ARHGEF16: variants seen among roughly 807,000 people sequenced by gnomAD.
ARHGEF16 encodes Rho guanine exchange factor (GEF) 16.
In ARHGEF16, 59 loss-of-function variants were observed where a neutral mutation model predicts 74.1. The ratio of observed to expected loss-of-function variants is 0.80; its 90% confidence interval spans 0.65 to 0.99. The LOEUF is 0.99. Ranked by LOEUF, ARHGEF16 falls within the 50% of genes least tolerant of loss-of-function variation. The pLI is 0.00. For synonymous variants in ARHGEF16, 415 were observed against 412.6 expected (o/e 1.01, Z -0.07); for missense variants, 948 against 986.6 (o/e 0.96, Z 0.52).
In ARHGEF16 at chr1:3,469,473, A is replaced by C; in HGVS notation, c.902A>C (p.His301Pro). 1 of 1,613,082 alleles carries C rather than the reference A, an allele frequency of 6.2e-7. No individual in the cohort carries two copies. Among genetic ancestry groups the C allele is most frequent in the Non-Finnish European group, 8.5e-7 (1 of 1,179,970 alleles). Reference protein sequence around the residue: ...EILTSEFSYQHSLSILVEEFL... With the variant: ...EILTSEFSYQPSLSILVEEFL... The stretch of plus-strand genomic sequence containing the variant: ...CTCACGTCGGAGTTCTCCTACCAGC[A>C]CAGCCTGAGCATCCTGGTGGAGGAG... The change falls in exon 6 of 15, where the codon CAC (histidine) becomes CCC (proline). Residue 301 changes from histidine to proline, a missense_variant. His to Pro is a moderately conservative substitution (Grantham distance 77). Coordinates refer to ENST00000378378, the MANE Select transcript of ARHGEF16 (RefSeq NM_014448.4).
intron 1 of ARHGEF16, among the ~76,000 whole-genome samples, chr1:3,456,925 C>A (rs1258385331): frequency 6.6e-6 from 1 of 152,238 alleles, no homozygotes; most frequent in Admixed American, 6.5e-5. Context: ...CCCGCCCCCA[C>A]CGCGCAGGGT....
chr1:3,463,043 C>T (rs1304595394), intron 1 of ARHGEF16, 23 bp from the exon 2 acceptor site: 1 of 1,425,026 alleles, frequency 7.0e-7, no homozygotes, highest in Admixed American at 2.9e-5. Context: ...CCTCACGAGA[C>T]CTCACTTCTG....
chr1:3,463,750 T>G, intron 2 of ARHGEF16, 78 bp downstream of exon 2: 1 of 1,213,320 alleles, frequency 8.2e-7, no homozygotes, highest in Non-Finnish European at 1.1e-6. Flanking sequence ...ACCACCGTCA[T>G]CTTCTGCATC....
Position 3,476,076 on chromosome 1 carries a change from G to A in ARHGEF16, c.1473+14G>A, listed in dbSNP as rs1371141795. On this transcript the variant is annotated intron_variant, in intron 10 of 14. Transcript: ENST00000378378. ...AGCAAGGTCAAGGTAGGTGGCCCCG[G>A]ACATCAGGGCCACTCGGACCACTTC... 44 of 1,548,632 alleles carry A rather than the reference G, an allele frequency of 2.8e-5. No individual in the cohort carries two copies. The highest frequency in any genetic ancestry group is 1.7e-4 in the Middle Eastern group (1 of 5,984).
chr1:3,479,123 G>A (rs1639982870), intron 12 of ARHGEF16, among the ~76,000 whole-genome samples: 4 of 152,226 alleles, frequency 2.6e-5, no homozygotes, highest in Non-Finnish European at 4.4e-5. Flanking sequence ...GCCCCCCGTG[G>A]AAGCCAGGCA....
At chr1:3,457,867 G>A (rs1639302347) in intron 1 of ARHGEF16, among the ~76,000 whole-genome samples, 1 of 152,216 alleles carries the variant, frequency 6.6e-6, no homozygotes, top group African/African-American at 2.4e-5. Context: ...GTATTTAGTG[G>A]TAAAGAGAAA....
chr1:3,465,592 TC>T (rs201048112), intron 2 of ARHGEF16, among the ~76,000 whole-genome samples: 1 of 58,172 alleles, frequency 1.7e-5, no homozygotes, highest in Non-Finnish European at 7.7e-5. Flanking sequence ...CCCCTTTCCT[TC>T]CGGGAACCAG....
At chr1:3,458,794 A>G (rs977507357) in intron 1 of ARHGEF16, among the ~76,000 whole-genome samples, 5 of 152,220 alleles carry the variant, frequency 3.3e-5, no homozygotes, top group African/African-American at 1.2e-4. Flanking sequence ...ACTCGCTCCA[A>G]AGAAAATGTA....
intron 1 of ARHGEF16, 69 bp from the exon 2 acceptor site, chr1:3,462,996 TA>T (rs1359406036): frequency 3.6e-6 from 4 of 1,123,562 alleles, no homozygotes; most frequent in Non-Finnish European, 3.7e-6. Flanking sequence ...TGCAAAGGGG[TA>T]GGGGGGTGGA....
At chr1:3,462,324 T>C (rs1044401112) in intron 1 of ARHGEF16, among the ~76,000 whole-genome samples, 1 of 152,004 alleles carries the variant, frequency 6.6e-6, no homozygotes, top group African/African-American at 2.4e-5. Flanking sequence ...CGTGGAAAAA[T>C]GCAAGCGTGT....
At chr1:3,480,377 A>G (rs1350971916) in intron 14 of ARHGEF16, 71 bp from the exon 15 acceptor site, 5 of 1,587,754 alleles carry the variant, frequency 3.1e-6, no homozygotes, top group Non-Finnish European at 4.3e-6. Flanking sequence ...GTGCTCAGGC[A>G]TAGCAGCTCA....
chr1:3,477,061 G>C (rs2100758286), intron 10 of ARHGEF16, among the ~76,000 whole-genome samples: 1 of 151,906 alleles, frequency 6.6e-6, no homozygotes, highest in East Asian at 2.0e-4. Context: ...CTTGGAAACG[G>C]GTGTGGGGGT....
Position 3,480,793 on chromosome 1 carries a change from C to G in ARHGEF16, c.*206C>G. On this transcript the variant is annotated 3_prime_UTR_variant, in exon 15 of 15. Transcript: ENST00000378378. ...CCAGAGAGGCACCCCCAGGCAAGCTCGAGGGGGCCACACCGTGTCCCAGGG... is the reference window on the plus strand; with the variant it reads ...CCAGAGAGGCACCCCCAGGCAAGCTGGAGGGGGCCACACCGTGTCCCAGGG... The G allele has an allele frequency of 1.4e-6, 1 of 701,742 alleles. No homozygotes were observed. Among genetic ancestry groups the G allele is most frequent in the South Asian group, 1.9e-5 (1 of 51,370 alleles). The allele number at this position is 701,742 out of a possible 1,614,324, so 43.5% of individuals were successfully genotyped here.
At position 3,478,031 on chromosome 1, in the gene ARHGEF16, C is replaced by T. The variant is rs751596769; in HGVS notation, c.1625+5C>T. On this transcript the variant is annotated splice_donor_5th_base_variant and intron_variant, in intron 11 of 14. Transcript: ENST00000378378. ...GGTTGTGACCAAGAAGAAGAGGTGG[C>T]CTTAGGGCAGGAGGGTGTGGGGAGC... 1.2e-6 allele frequency: 2 copies of T among 1,612,698 alleles called. No homozygotes were observed. The highest frequency in any genetic ancestry group is 2.2e-5 in the East Asian group (1 of 44,880).
chr1:3,467,228 A>G lies in ARHGEF16; in HGVS notation c.695A>G (p.Asp232Gly), dbSNP rs1206215337. ...CTGAACACCAGCCAGGAGTCTGATG[A>G]CGACATCCTCGATGAGTCCTCCAGC... ...RGLNTSQESD[D>G]DILDESSSPE... Residue 232 changes from aspartate to glycine, a missense_variant, in exon 4 of 15, where the codon GAC (aspartate) becomes GGC (glycine). Coordinates refer to ENST00000378378, the MANE Select transcript of ARHGEF16 (RefSeq NM_014448.4). 5 of 1,550,366 alleles carry G rather than the reference A, an allele frequency of 3.2e-6. No homozygotes were observed. The highest frequency in any genetic ancestry group is 4.4e-6 in the Non-Finnish European group (5 of 1,146,874).
chr1:3,468,990 C>A, intron 5 of ARHGEF16, 54 bp downstream of exon 5: 1 of 1,544,228 alleles, frequency 6.5e-7, no homozygotes, highest in Non-Finnish European at 8.7e-7. Context: ...CCATGCAACA[C>A]CCGGGGAGGG....
At chr1:3,477,188 G>C (rs1420151656) in intron 10 of ARHGEF16, among the ~76,000 whole-genome samples, 5 of 148,978 alleles carry the variant, frequency 3.4e-5, no homozygotes, top group Non-Finnish European at 1.5e-5. Flanking sequence ...ACAGGGAGCA[G>C]GTGAGGAGGT....
chr1:3,468,923 G>T lies in ARHGEF16; in HGVS notation c.848G>T (p.Arg283Leu). Residue 283 changes from arginine to leucine, a missense_variant, in exon 5 of 15, where the codon CGG becomes CTG. Arg to Leu is a moderately radical substitution (Grantham distance 102, BLOSUM62 -2). Coordinates refer to ENST00000378378, the MANE Select transcript of ARHGEF16 (RefSeq NM_014448.4). ...GILDQLSTEE[R>L]KRQEAMFEIL... Reference sequence around the variant, plus strand: ...CTGGACCAGCTCTCCACTGAGGAGCGGAAAAGGCAGGAGGTAAAAGGGCCC... The same window carrying T: ...CTGGACCAGCTCTCCACTGAGGAGCTGAAAAGGCAGGAGGTAAAAGGGCCC... The T allele has an allele frequency of 6.5e-7, 1 of 1,550,274 alleles. No individual in the cohort carries two copies. The highest frequency in any genetic ancestry group is 8.7e-7 in the Non-Finnish European group (1 of 1,146,864).
Position 3,474,616 on chromosome 1 carries a change from C to T in ARHGEF16, c.1306-92C>T. 3.9e-6 allele frequency: 5 copies of T among 1,281,640 alleles called. No homozygotes were observed. The South Asian group carries it at 6.1e-5, about 16-fold the overall frequency. The allele number at this position is 1,281,640 out of a possible 1,614,324, so 79.4% of individuals were successfully genotyped here. On this transcript the variant is annotated intron_variant, in intron 8 of 14. Coordinates refer to ENST00000378378, the MANE Select transcript of ARHGEF16 (RefSeq NM_014448.4). The stretch of plus-strand genomic sequence containing the variant: ...CCCCTGGGGGCAGCTGTTGACCACC[C>T]TGCAGCCCCACACGGGGTCTGGCGT...
Sources: gnomAD v4.1 joint callset for allele counts (sites outside exome capture counted in the v4.1 genomes callset) on GRCh38, gnomAD v4.1.1 for gene constraint, MANE v1.5 for transcripts, NCBI Gene and HGNC (gene_info 2026-07-23, HGNC 2026-07-21) for gene names.